TYW1: variants seen among roughly 807,000 people sequenced by gnomAD.
TYW1 encodes the protein S-adenosyl-L-methionine-dependent tRNA 4-demethylwyosine synthase TYW1.
A neutral mutation model predicts 96.2 loss-of-function variants in TYW1; 46 were observed. The observed-to-expected ratio is 0.48, with a 90% CI of 0.38 to 0.61. TYW1 has a LOEUF of 0.61. TYW1 is among the 20% of genes least tolerant of loss of function. TYW1 has a pLI of 0.00. For missense variants in TYW1, 684 were observed against 909.6 expected (o/e 0.75, Z 3.19); for synonymous variants, 274 against 323.0 (o/e 0.85, Z 1.63).
intron 14 of TYW1, among the ~76,000 whole-genome samples, chr7:67,193,546 G>A (rs1275788534): frequency 6.6e-6 from 1 of 152,142 alleles, no homozygotes; most frequent in East Asian, 1.9e-4. Context: ...ATCAATTGAG[G>A]TCAGGAGTTC....
intron 13 of TYW1, among the ~76,000 whole-genome samples, chr7:67,121,801 G>A (rs1351537121): frequency 6.6e-6 from 1 of 150,994 alleles, no homozygotes; most frequent in Non-Finnish European, 1.5e-5. Flanking sequence ...AGCATATTTT[G>A]TTTTTAACTC....
chr7:67,059,958 A>G (rs1196592205), intron 9 of TYW1, among the ~76,000 whole-genome samples: 3 of 151,732 alleles, frequency 2.0e-5, no homozygotes, highest in Non-Finnish European at 4.4e-5. Flanking sequence ...TTTTTAGTAG[A>G]GACAGGGTTT....
chr7:66,996,913 G>T lies in TYW1; in HGVS notation c.-66G>T. ...GGCGAGGTAGCTCGGTGCGTCTCGCGGTACCAGTGCGAATCATCGGGCTAT... is the reference window on the plus strand; with the variant it reads ...GGCGAGGTAGCTCGGTGCGTCTCGCTGTACCAGTGCGAATCATCGGGCTAT... On this transcript the variant is annotated 5_prime_UTR_variant, in exon 1 of 16. Transcript: ENST00000359626. 4.3e-6 allele frequency: 7 copies of T among 1,611,768 alleles called. No individual in the cohort carries two copies. The highest frequency in any genetic ancestry group is 2.2e-5 in the East Asian group (1 of 44,798).
intron 15 of TYW1, among the ~76,000 whole-genome samples, chr7:67,211,150 T>TTGTGTGTGTGTG (rs61112149): frequency 1.9e-4 from 24 of 125,770 alleles, no homozygotes; most frequent in South Asian, 5.7e-4. Context: ...CCCATCAACA[T>TTGTGTGTGTGTG]TGTGTGTGTG....
intron 13 of TYW1, among the ~76,000 whole-genome samples, chr7:67,141,948 T>G (rs1429776368): frequency 2.0e-5 from 3 of 152,110 alleles, no homozygotes; most frequent in Admixed American, 1.3e-4. Flanking sequence ...GGCAGGAGAA[T>G]CGCTTGAACC....
chr7:67,007,910 C>T (rs1793658398), intron 3 of TYW1, among the ~76,000 whole-genome samples: 1 of 152,180 alleles, frequency 6.6e-6, no homozygotes, highest in Non-Finnish European at 1.5e-5. Flanking sequence ...GTTGGGATTA[C>T]AGGTGTGAGC....
intron 8 of TYW1, 80 bp from the exon 9 acceptor site, chr7:67,055,754 AT>A (rs1036870883): frequency 6.9e-5 from 83 of 1,203,792 alleles, no homozygotes; most frequent in East Asian, 1.7e-4. Context: ...AAAAAAAAAA[AT>A]TTTTGCTAAA....
intron 12 of TYW1, among the ~76,000 whole-genome samples, chr7:67,107,647 G>A (rs1269294935): frequency 6.6e-6 from 1 of 152,090 alleles, no homozygotes; most frequent in Non-Finnish European, 1.5e-5. Context: ...AAACATGGAA[G>A]TTTCACCTTT....
rs567292771 is a variant in TYW1, at chr7:67,025,027, C to T, written c.984+5C>T. ...GATCATGTGAAGAAAGAAAAGGTAC[C>T]GTTACTTTGGGAAATGTTGCACTTG... is the stretch of plus-strand genomic sequence containing the variant. On this transcript the variant is annotated splice_donor_5th_base_variant and intron_variant, in intron 7 of 15. Transcript: ENST00000359626. The T allele has an allele frequency of 1.6e-5, 26 of 1,613,446 alleles. No homozygotes were observed. Among genetic ancestry groups the T allele is most frequent in the South Asian group, 4.4e-5 (4 of 91,022 alleles).
chr7:67,025,750 T>C (rs1794430295), intron 7 of TYW1, among the ~76,000 whole-genome samples: 1 of 152,122 alleles, frequency 6.6e-6, no homozygotes. Context: ...TCCAGTGATC[T>C]AAAATTGAAG....
At chr7:67,165,474 C>T (rs1175810506) in intron 13 of TYW1, among the ~76,000 whole-genome samples, 2 of 151,030 alleles carry the variant, frequency 1.3e-5, no homozygotes, top group Non-Finnish European at 2.9e-5. Context: ...TAACCAATTC[C>T]GTGTAACCAT....
rs6970157 is a variant in TYW1 at position 67,118,879 on chromosome 7, A to G, written c.1698+1261A>G. Among the ~76,000 whole-genome samples, 387 of 41,184 alleles carry G rather than the reference A, an allele frequency of 9.4e-3. 15 individuals are homozygous for G. Among genetic ancestry groups the G allele is most frequent in the African/African-American group, 0.021 (82 of 3,934 alleles). The allele number at this position is 41,184 out of a possible 152,430, so 27.0% of individuals were successfully genotyped here. A position where few individuals can be genotyped will look rare whatever the true frequency, so the allele number is the denominator to read the frequency against. Reference sequence around the variant, plus strand: ...TGGGTGACAGTGAGACCCCTATCTGAAAAAAAAAAAAAAAAAAAAAAAAAA... The same window carrying G: ...TGGGTGACAGTGAGACCCCTATCTGGAAAAAAAAAAAAAAAAAAAAAAAAA... On this transcript the variant is annotated intron_variant, in intron 13 of 15. Coordinates refer to ENST00000359626, the MANE Select transcript of TYW1 (RefSeq NM_018264.4).
intron 7 of TYW1, among the ~76,000 whole-genome samples, chr7:67,036,632 C>T (rs183607184): frequency 0.063 from 9,643 of 152,302 alleles, 422 homozygotes; most frequent in South Asian, 0.11. Flanking sequence ...GAGTCACTCA[C>T]TGGAGGCTGG....
At chr7:67,012,158 C>T (rs969421230) in intron 4 of TYW1, among the ~76,000 whole-genome samples, 18 of 151,998 alleles carry the variant, frequency 1.2e-4, no homozygotes, top group African/African-American at 4.4e-4. Flanking sequence ...GTAAGAACAG[C>T]CTGGGCAACA....
intron 12 of TYW1, among the ~76,000 whole-genome samples, chr7:67,102,879 G>A (rs1797129712): frequency 6.6e-6 from 1 of 152,232 alleles, no homozygotes; most frequent in Non-Finnish European, 1.5e-5. Context: ...TCGATCTCCT[G>A]ACCTCGTAAT....
chr7:67,022,285 G>A (rs774405982), intron 6 of TYW1, among the ~76,000 whole-genome samples: 33 of 152,178 alleles, frequency 2.2e-4, no homozygotes, highest in Non-Finnish European at 4.7e-4. Context: ...TGTCATAGCT[G>A]CTTTGGTGTT....
chr7:67,182,436 T>G (rs894933666), intron 13 of TYW1, among the ~76,000 whole-genome samples: 9 of 152,156 alleles, frequency 5.9e-5, no homozygotes, highest in Non-Finnish European at 1.5e-5. Flanking sequence ...TGATGACGTG[T>G]GCCTATAGTC....
chr7:67,120,919 C>T (rs138028370), intron 13 of TYW1, among the ~76,000 whole-genome samples: 1,607 of 152,282 alleles, frequency 0.011, 27 homozygotes, highest in African/African-American at 0.037. Flanking sequence ...ATTATTGTCT[C>T]TATGTAATTC....
intron 9 of TYW1, 150 bp from the exon 10 acceptor site, chr7:67,067,135 G>A (rs755753448): frequency 1.2e-6 from 1 of 838,794 alleles, no homozygotes; most frequent in Non-Finnish European, 1.9e-6. Context: ...ACACTGAAAT[G>A]CTCTGATGCG....
Sources: allele counts gnomAD v4.1 joint callset (sites outside exome capture counted in the v4.1 genomes callset), GRCh38; gene constraint gnomAD v4.1.1; transcripts MANE v1.5; gene names NCBI Gene and HGNC (gene_info 2026-07-23, HGNC 2026-07-21).